The following SLC25A36 variants were observed in gnomAD, a reference collection of about 807,000 sequenced individuals.
The protein encoded by SLC25A36 is epididymis secretory sperm binding protein.
A neutral mutation model predicts 35.3 loss-of-function variants in SLC25A36; 24 were observed. That is an observed-to-expected ratio of 0.68 (90% confidence interval 0.49 to 0.96). The LOEUF (loss-of-function observed/expected upper bound fraction) is 0.96. Ranked by LOEUF, SLC25A36 falls within the 40% of genes least tolerant of loss-of-function variation. SLC25A36 has a pLI of 0.00. For missense variants in SLC25A36, 294 were observed against 381.1 expected (o/e 0.77, Z 1.90); for synonymous variants, 141 against 132.2 (o/e 1.07, Z -0.46).
Position 140,979,506 on chromosome 3 carries a change from A to G in SLC25A36, c.*3053A>G, listed in dbSNP as rs1043852421. Reference sequence around the variant, plus strand: ...TTCAGCCTTTTCTCCTCAAATATATAATGACTTTAACATTCCTAAGAATAT... The same window carrying G: ...TTCAGCCTTTTCTCCTCAAATATATGATGACTTTAACATTCCTAAGAATAT... On this transcript the variant is annotated 3_prime_UTR_variant, in exon 7 of 7. Transcript: ENST00000324194. 6.6e-6 allele frequency: 1 copy of G among 152,108 alleles called. No homozygotes were observed. The highest frequency in any genetic ancestry group is 2.1e-4 in the South Asian group (1 of 4,832). 9.4% of individuals were successfully genotyped at this position (152,108 alleles called of 1,614,324 possible).
chr3:140,942,370 G>C, intron 1 of SLC25A36: 1 of 337,174 alleles, frequency 3.0e-6, no homozygotes, highest in Non-Finnish European at 5.4e-6. Context: ...AACCCGGGCC[G>C]GGAGTGAGGT....
Position 140,942,034 on chromosome 3 carries a change from G to A in SLC25A36, c.-21G>A, listed in dbSNP as rs1188515706. On this transcript the variant is annotated 5_prime_UTR_variant, in exon 1 of 7. Coordinates refer to ENST00000324194, the MANE Select transcript of SLC25A36 (RefSeq NM_001104647.3). ...AGATCCGCGTCCCGCCTCAGCGGCC[G>A]GAGGACATGCGGGAGAGAGAATGAG... The A allele has an allele frequency of 7.0e-7, 1 of 1,426,948 alleles. No individual in the cohort carries two copies. The highest frequency in any genetic ancestry group is 9.6e-7 in the Non-Finnish European group (1 of 1,045,692). 88.4% of individuals were successfully genotyped at this position (1,426,948 alleles called of 1,614,324 possible). A position where few individuals can be genotyped will look rare whatever the true frequency, so the allele number is the denominator to read the frequency against.
chr3:140,957,274 G>A (rs565163935), intron 2 of SLC25A36, among the ~76,000 whole-genome samples: 13 of 152,264 alleles, frequency 8.5e-5, no homozygotes, highest in African/African-American at 2.9e-4. Flanking sequence ...GAATGCCTTC[G>A]TGTCTGCCTT....
intron 6 of SLC25A36, among the ~76,000 whole-genome samples, chr3:140,975,718 T>C (rs886386226): frequency 2.0e-5 from 3 of 152,214 alleles, no homozygotes; most frequent in African/African-American, 7.2e-5. Context: ...ATTTATTATT[T>C]TTGCTTACCT....
At chr3:140,957,441 TAAC>T (rs1325453754) in intron 2 of SLC25A36, among the ~76,000 whole-genome samples, 1 of 152,198 alleles carries the variant, frequency 6.6e-6, no homozygotes, top group African/African-American at 2.4e-5. Context: ...ATAAAATTGA[TAAC>T]AGTTTTGAAT....
intron 3 of SLC25A36, 42 bp downstream of exon 3, chr3:140,959,582 C>CT (rs971456133): frequency 9.9e-7 from 1 of 1,009,134 alleles, no homozygotes; most frequent in African/African-American, 1.7e-5. Context: ...TTATGGCAAT[C>CT]TCTTTTGTTT....
intron 2 of SLC25A36, among the ~76,000 whole-genome samples, chr3:140,957,368 T>C (rs1398477035): frequency 6.6e-6 from 1 of 152,252 alleles, no homozygotes; most frequent in Non-Finnish European, 1.5e-5. Context: ...CCTTTGTTAC[T>C]AAAAGGTTTC....
At chr3:140,943,272 C>T (rs1215423332) in intron 1 of SLC25A36, among the ~76,000 whole-genome samples, 1 of 152,212 alleles carries the variant, frequency 6.6e-6, no homozygotes, top group Non-Finnish European at 1.5e-5. Context: ...ACACGCAGTT[C>T]TATTCACGGT....
At chr3:140,961,254 A>G (rs1456062445) in intron 3 of SLC25A36, among the ~76,000 whole-genome samples, 1 of 152,224 alleles carries the variant, frequency 6.6e-6, no homozygotes. Context: ...CGGTTATCAT[A>G]TACATAAAAA....
rs1168825807 is a variant in SLC25A36, at chr3:140,978,592, T to C, written c.*2139T>C. The C allele has an allele frequency of 1.3e-5, 2 of 152,216 alleles. No individual in the cohort carries two copies. The highest frequency in any genetic ancestry group is 3.8e-4 in the East Asian group (2 of 5,196). 9.4% of individuals were successfully genotyped at this position (152,216 alleles called of 1,614,324 possible). A position where few individuals can be genotyped will look rare whatever the true frequency, so the allele number is the denominator to read the frequency against. On this transcript the variant is annotated 3_prime_UTR_variant, in exon 7 of 7. Transcript: ENST00000324194. The stretch of plus-strand genomic sequence containing the variant: ...AACAAGTGTCCTTCAAGGATAAACA[T>C]ATATTCTCTATTTGTATTTAGCAAG...
At position 140,976,319 on chromosome 3, in the gene SLC25A36, C is replaced by CT. The variant is rs1348479617; in HGVS notation, c.803dup (p.Ser269IlefsTer35). ...AAAATACAGATCTTTTTTTCAGACT[C>CT]TATCTTTGCTTGTTCAAGAAGAAGG... On this transcript the variant is annotated frameshift_variant, in exon 7 of 7. Coordinates refer to ENST00000324194, the MANE Select transcript of SLC25A36 (RefSeq NM_001104647.3). LOFTEE classifies it high-confidence loss of function. 1.2e-6 allele frequency: 2 copies of CT among 1,612,936 alleles called. No individual in the cohort carries two copies. The highest frequency in any genetic ancestry group is 2.7e-5 in the African/African-American group (2 of 74,838).
chr3:140,967,901 G>A (rs1205498082), intron 4 of SLC25A36: 2 of 794,350 alleles, frequency 2.5e-6, no homozygotes. Flanking sequence ...TCATTTTCAT[G>A]TTTCACTAGG....
At chr3:140,950,415 A>C (rs992254326) in intron 1 of SLC25A36, among the ~76,000 whole-genome samples, 9 of 151,600 alleles carry the variant, frequency 5.9e-5, no homozygotes, top group Non-Finnish European at 1.3e-4. Context: ...TGTCATCCTA[A>C]TCCTATCTTG....
intron 1 of SLC25A36, among the ~76,000 whole-genome samples, chr3:140,947,319 A>G (rs1028844256): frequency 2.0e-5 from 3 of 152,084 alleles, no homozygotes; most frequent in Non-Finnish European, 2.9e-5. Context: ...AAAGGGGGAA[A>G]TTTACTTTTA....
At chr3:140,960,739 G>A (rs1270035640) in intron 3 of SLC25A36, among the ~76,000 whole-genome samples, 1 of 152,198 alleles carries the variant, frequency 6.6e-6, no homozygotes, top group Non-Finnish European at 1.5e-5. Flanking sequence ...GGCACCATGT[G>A]TAGGTGCAAA....
intron 1 of SLC25A36, among the ~76,000 whole-genome samples, chr3:140,947,174 C>T (rs1934188846): frequency 6.6e-6 from 1 of 152,130 alleles, no homozygotes; most frequent in Non-Finnish European, 1.5e-5. Flanking sequence ...AGCTGTTAAC[C>T]ACTGAATTTA....
intron 4 of SLC25A36, 111 bp downstream of exon 4, chr3:140,963,338 T>A (rs949638178): frequency 7.1e-6 from 5 of 700,196 alleles, no homozygotes; most frequent in African/African-American, 1.9e-5. Context: ...TTTCATTGAT[T>A]AGATGATTTT....
At chr3:140,970,769 C>A (rs981000544) in intron 4 of SLC25A36, 158 bp from the exon 5 acceptor site, 30 of 457,934 alleles carry the variant, frequency 6.6e-5, no homozygotes, top group African/African-American at 5.9e-4. Flanking sequence ...GAAGTGAAGA[C>A]AAATGTTTGT....
chr3:140,965,261 G>C (rs1934730887), intron 4 of SLC25A36: 1 of 151,550 alleles, frequency 6.6e-6, no homozygotes, highest in Non-Finnish European at 1.5e-5. Flanking sequence ...AAATAATCTA[G>C]ACCAGATTAC....
Sources: gnomAD v4.1 joint callset for allele counts (sites outside exome capture counted in the v4.1 genomes callset) on GRCh38, gnomAD v4.1.1 for gene constraint, MANE v1.5 for transcripts, NCBI Gene and HGNC (gene_info 2026-07-23, HGNC 2026-07-21) for gene names.